The following SIL1 variants were observed in gnomAD, a reference collection of about 807,000 sequenced individuals.
SIL1 encodes nucleotide exchange factor SIL1.
SIL1 carries 40 observed loss-of-function variants against 49.1 expected under a neutral mutation model. That is an observed-to-expected ratio of 0.81 (90% CI 0.63 to 1.06). SIL1 has a LOEUF of 1.06. SIL1 is among the 50% of genes least tolerant of loss of function. SIL1 has a pLI of 0.00. For synonymous variants in SIL1, 253 were observed against 250.8 expected, an observed-to-expected ratio of 1.01 and a Z score of -0.08; for missense variants, 500 against 572.6, an observed-to-expected ratio of 0.87 and a Z score of 1.29.
intron 3 of SIL1, among the ~76,000 whole-genome samples, chr5:139,115,495 G>C (rs536607153): frequency 9.6e-4 from 146 of 152,264 alleles, no homozygotes; most frequent in African/African-American, 3.4e-3. Context: ...CTGACCTCAG[G>C]GGAGGGAAGG....
chr5:139,095,681 G>A (rs1770446261), intron 3 of SIL1, among the ~76,000 whole-genome samples: 1 of 152,138 alleles, frequency 6.6e-6, no homozygotes, highest in Admixed American at 6.5e-5. Context: ...ATACAAAAAT[G>A]AGCCATTGTG....
chr5:138,990,379 C>T (rs544163223), intron 7 of SIL1, among the ~76,000 whole-genome samples: 16 of 152,244 alleles, frequency 1.1e-4, no homozygotes, highest in African/African-American at 1.7e-4. Context: ...ACCAGATAAC[C>T]GTAGAAGGTA....
At chr5:139,182,875 C>T (rs1193067513) in intron 1 of SIL1, among the ~76,000 whole-genome samples, 2 of 152,228 alleles carry the variant, frequency 1.3e-5, no homozygotes, top group African/African-American at 4.8e-5. Flanking sequence ...GACCCAAAAG[C>T]TTGCCACCAT....
chr5:139,041,117 G>A (rs1392281925), intron 5 of SIL1, among the ~76,000 whole-genome samples: 1 of 152,194 alleles, frequency 6.6e-6, no homozygotes, highest in Admixed American at 6.5e-5. Flanking sequence ...CTCCTCTGCT[G>A]GCCTCACCTG....
chr5:138,997,413 TG>T (rs1214382791), intron 7 of SIL1, among the ~76,000 whole-genome samples: 27 of 152,210 alleles, frequency 1.8e-4, no homozygotes, highest in African/African-American at 6.3e-4. Flanking sequence ...TGGATGTTCT[TG>T]GTGCCTTTGT....
At chr5:138,949,812 A>AG (rs1554121945) in intron 9 of SIL1, among the ~76,000 whole-genome samples, 18 of 151,416 alleles carry the variant, frequency 1.2e-4, no homozygotes, top group South Asian at 6.3e-4. Flanking sequence ...AAAAAAAAAA[A>AG]AAAAGAAAAA....
At chr5:139,055,617 TCC>T (rs1491366513) in intron 3 of SIL1, among the ~76,000 whole-genome samples, 1 of 65,162 alleles carries the variant, frequency 1.5e-5, no homozygotes, top group Non-Finnish European at 3.3e-5. Context: ...CCTCTCCCTC[TCC>T]CCCTCTCCCC....
intron 1 of SIL1, among the ~76,000 whole-genome samples, chr5:139,163,945 C>G (rs537744280): frequency 1.3e-5 from 2 of 151,830 alleles, no homozygotes; most frequent in Non-Finnish European, 2.9e-5. Flanking sequence ...AGGGTGAAAC[C>G]CCGTCTCTAC....
chr5:139,046,447 C>T (rs1769166746), intron 4 of SIL1, among the ~76,000 whole-genome samples: 1 of 152,188 alleles, frequency 6.6e-6, no homozygotes, highest in Non-Finnish European at 1.5e-5. Context: ...AATCTCATCT[C>T]CTATCGATTT....
intron 3 of SIL1, among the ~76,000 whole-genome samples, chr5:139,097,086 C>T (rs1770483688): frequency 6.6e-6 from 1 of 152,114 alleles, no homozygotes; most frequent in African/African-American, 2.4e-5. Context: ...GTGGTGGCCA[C>T]ACTTTCCAAA....
intron 7 of SIL1, among the ~76,000 whole-genome samples, chr5:138,963,777 C>G (rs1212571647): frequency 2.0e-5 from 3 of 152,236 alleles, no homozygotes; most frequent in African/African-American, 7.2e-5. Flanking sequence ...AGCACCCAGG[C>G]TCCCGGTTTT....
chr5:139,125,929 T>C (rs775370309), intron 2 of SIL1, among the ~76,000 whole-genome samples: 8 of 152,112 alleles, frequency 5.3e-5, no homozygotes, highest in Non-Finnish European at 1.2e-4. Context: ...CTCCAGATCA[T>C]ACTGTGATAC....
intron 7 of SIL1, among the ~76,000 whole-genome samples, chr5:138,968,422 C>G (rs116069403): frequency 1.9e-3 from 293 of 152,290 alleles, no homozygotes; most frequent in African/African-American, 6.8e-3. Flanking sequence ...TCATCTCCAT[C>G]GACAGAGGAA....
At chr5:138,975,826 C>G (rs757778947) in intron 7 of SIL1, among the ~76,000 whole-genome samples, 1 of 152,216 alleles carries the variant, frequency 6.6e-6, no homozygotes, top group South Asian at 2.1e-4. Flanking sequence ...ACCAGCCAGG[C>G]GTGTAAACTG....
chr5:139,170,608 G>A (rs1043475260), intron 1 of SIL1, among the ~76,000 whole-genome samples: 24 of 150,510 alleles, frequency 1.6e-4, no homozygotes, highest in Non-Finnish European at 2.5e-4. Context: ...CCCCATCTGA[G>A]AAGTGAGGAG....
chr5:139,183,881 C>T (rs1408535790), intron 1 of SIL1, among the ~76,000 whole-genome samples: 4 of 152,218 alleles, frequency 2.6e-5, no homozygotes, highest in African/African-American at 9.7e-5. Flanking sequence ...CCAAGGACTA[C>T]ACAAGTCCTT....
intron 7 of SIL1, among the ~76,000 whole-genome samples, chr5:138,962,592 T>C (rs1179441717): frequency 6.6e-6 from 1 of 152,274 alleles, no homozygotes; most frequent in East Asian, 1.9e-4. Flanking sequence ...GGATAACAGC[T>C]GTTTTATCAT....
chr5:139,171,333 A>G (rs1751764055), intron 1 of SIL1, among the ~76,000 whole-genome samples: 1 of 152,000 alleles, frequency 6.6e-6, no homozygotes, highest in South Asian at 2.1e-4. Context: ...GACATGGGAG[A>G]CTTTTCATTT....
chr5:138,949,422 G>A (rs1305841247), intron 9 of SIL1, among the ~76,000 whole-genome samples: 1 of 152,158 alleles, frequency 6.6e-6, no homozygotes, highest in African/African-American at 2.4e-5. Flanking sequence ...AGTGATCCCC[G>A]AGCTGCATGG....
Sources: allele counts gnomAD v4.1 joint callset (sites outside exome capture counted in the v4.1 genomes callset), GRCh38; gene constraint gnomAD v4.1.1; transcripts MANE v1.5; gene names NCBI Gene and HGNC (gene_info 2026-07-23, HGNC 2026-07-21).